UNC5D: variants seen among roughly 807,000 people sequenced by gnomAD.
UNC5D encodes netrin receptor UNC5D.
Under a neutral mutation model 105.4 loss-of-function variants are expected in UNC5D, and 39 were observed. The ratio of observed to expected loss-of-function variants is 0.37; its 90% CI spans 0.29 to 0.48. The LOEUF is 0.48. Among genes scored for constraint, UNC5D ranks in the 20% least tolerant of loss-of-function variants. The pLI, the probability that UNC5D is intolerant of heterozygous loss-of-function variation, is 0.98. For synonymous variants in UNC5D, 452 were observed against 450.4 expected (o/e 1.00, Z -0.04); for missense variants, 991 against 1,202.4 (o/e 0.82, Z 2.60).
intron 1 of UNC5D, among the ~76,000 whole-genome samples, chr8:35,470,981 T>A (rs1809681486): frequency 6.6e-6 from 1 of 152,024 alleles, no homozygotes; most frequent in Admixed American, 6.6e-5. Flanking sequence ...CTATAAAAAC[T>A]AACTCAAAGA....
chr8:35,544,591 TTTCG>T, intron 1 of UNC5D: 1 of 1,499,228 alleles, frequency 6.7e-7, no homozygotes, highest in Non-Finnish European at 8.9e-7. Flanking sequence ...ATTCTTTCGT[TTTCG>T]TTTTTTTTTT....
chr8:35,236,616 C>T (rs1044684698), intron 1 of UNC5D, among the ~76,000 whole-genome samples: 2 of 152,182 alleles, frequency 1.3e-5, no homozygotes, highest in Non-Finnish European at 2.9e-5. Context: ...TGCTTCTTTC[C>T]GACTTAGAAG....
intron 8 of UNC5D, among the ~76,000 whole-genome samples, chr8:35,716,715 G>C (rs1828269483): frequency 6.6e-6 from 1 of 152,156 alleles, no homozygotes; most frequent in Non-Finnish European, 1.5e-5. Flanking sequence ...GATTTTCGAG[G>C]TTGGGAAATT....
At chr8:35,311,206 T>C (rs1808853674) in intron 1 of UNC5D, among the ~76,000 whole-genome samples, 1 of 151,894 alleles carries the variant, frequency 6.6e-6, no homozygotes, top group South Asian at 2.1e-4. Flanking sequence ...AAACAAACAG[T>C]GGAAGTGGGA....
chr8:35,757,200 G>T (rs761252304), intron 13 of UNC5D, among the ~76,000 whole-genome samples: 1 of 152,106 alleles, frequency 6.6e-6, no homozygotes, highest in African/African-American at 2.4e-5. Context: ...TCTTTTGAGT[G>T]CATGAAGACA....
rs779539950 is a variant in UNC5D, at chr8:35,684,548, CT to C, written c.752-27del. The C allele has an allele frequency of 6.2e-6, 10 of 1,601,434 alleles. No individual in the cohort carries two copies. In the East Asian group the frequency reaches 1.6e-4, roughly 25 times the overall value. On this transcript the variant is annotated intron_variant, in intron 5 of 16. Transcript: ENST00000404895. ...TAGGCAATCAGTAAAAACCTCTCTC[CT>C]TTTTTTCTCCCCTCCCCATTTTTCT...
At chr8:35,550,536 T>C (rs1417699131) in intron 2 of UNC5D, among the ~76,000 whole-genome samples, 1 of 152,134 alleles carries the variant, frequency 6.6e-6, no homozygotes, top group Non-Finnish European at 1.5e-5. Context: ...CAGCCTAATT[T>C]ATTAACTATA....
intron 8 of UNC5D, among the ~76,000 whole-genome samples, chr8:35,710,934 C>CA (rs1827897371): frequency 8.7e-6 from 1 of 114,382 alleles, no homozygotes; most frequent in Admixed American, 8.8e-5. Flanking sequence ...CAGCATTATT[C>CA]TTTTTTTTTT....
At chr8:35,656,914 C>T (rs1823771046) in intron 4 of UNC5D, among the ~76,000 whole-genome samples, 1 of 151,504 alleles carries the variant, frequency 6.6e-6, no homozygotes, top group African/African-American at 2.4e-5. Flanking sequence ...GACACACATG[C>T]CTCTCCAAAA....
intron 16 of UNC5D, among the ~76,000 whole-genome samples, chr8:35,781,720 A>G (rs1324573911): frequency 6.6e-6 from 1 of 152,138 alleles, no homozygotes; most frequent in East Asian, 1.9e-4. Context: ...TCGTCTTTTC[A>G]TTTCCCAAAT....
intron 1 of UNC5D, among the ~76,000 whole-genome samples, chr8:35,300,641 C>T (rs1264571378): frequency 1.3e-5 from 2 of 151,982 alleles, no homozygotes; most frequent in South Asian, 2.1e-4. Context: ...CTTTGGAAAA[C>T]AATATTCTGA....
intron 1 of UNC5D, among the ~76,000 whole-genome samples, chr8:35,362,665 T>A (rs1801917365): frequency 6.6e-6 from 1 of 152,204 alleles, no homozygotes; most frequent in South Asian, 2.1e-4. Context: ...TTCCCCAAAC[T>A]GACATTTTCA....
intron 1 of UNC5D, among the ~76,000 whole-genome samples, chr8:35,296,452 T>C (rs1411977615): frequency 6.6e-6 from 1 of 152,154 alleles, no homozygotes. Context: ...GGAGTTTTGC[T>C]CTTGTTGCCC....
chr8:35,747,657 G>A (rs560149444), intron 11 of UNC5D, among the ~76,000 whole-genome samples: 19 of 152,232 alleles, frequency 1.2e-4, no homozygotes, highest in African/African-American at 4.1e-4. Flanking sequence ...GGTTCTTCTC[G>A]CTGATTACTG....
At position 35,793,387 on chromosome 8, in the gene UNC5D, C is replaced by T. The variant is rs900205806; in HGVS notation, c.*2824C>T. 2 of 187,398 alleles carry T rather than the reference C, an allele frequency of 1.1e-5. No individual in the cohort carries two copies. Among genetic ancestry groups the T allele is most frequent in the Non-Finnish European group, 2.3e-5 (2 of 88,184 alleles). The allele number at this position is 187,398 out of a possible 1,614,324, so 11.6% of individuals were successfully genotyped here. ...TGCCTGTCACAACACAAATACCCCT[C>T]TTGAAAGAGATTTACTCATCTATCC... On this transcript the variant is annotated 3_prime_UTR_variant, in exon 17 of 17. Transcript: ENST00000404895.
At chr8:35,718,292 C>A (rs1828370895) in intron 8 of UNC5D, among the ~76,000 whole-genome samples, 1 of 152,098 alleles carries the variant, frequency 6.6e-6, no homozygotes, top group Admixed American at 6.6e-5. Context: ...GTATCCTGTG[C>A]CCACAAAAAG....
At chr8:35,783,940 A>T (rs1802621559) in intron 16 of UNC5D, among the ~76,000 whole-genome samples, 1 of 152,194 alleles carries the variant, frequency 6.6e-6, no homozygotes, top group Admixed American at 6.5e-5. Context: ...TTATTATTTT[A>T]ACAAGGTTAT....
intron 14 of UNC5D, 122 bp downstream of exon 14, chr8:35,759,591 C>G (rs1025405374): frequency 8.7e-7 from 1 of 1,146,306 alleles, no homozygotes; most frequent in Non-Finnish European, 1.2e-6. Context: ...CACCTCAAAA[C>G]TGTCACAGAA....
At chr8:35,257,248 C>T (rs115665856) in intron 1 of UNC5D, among the ~76,000 whole-genome samples, 2,184 of 152,174 alleles carry the variant, frequency 0.014, 34 homozygotes, top group African/African-American at 0.049. Context: ...AGATTACAGG[C>T]GTCAGCCAAC....
Sources: allele counts gnomAD v4.1 joint callset (sites outside exome capture counted in the v4.1 genomes callset), GRCh38; gene constraint gnomAD v4.1.1; transcripts MANE v1.5; gene names NCBI Gene and HGNC (gene_info 2026-07-23, HGNC 2026-07-21).